The following KIAA1958 variants were observed in gnomAD, a reference collection of about 807,000 sequenced individuals.
The protein encoded by KIAA1958 is uncharacterized protein KIAA1958.
KIAA1958 carries 14 observed loss-of-function variants against 47.2 expected under a neutral mutation model. That is an observed-to-expected ratio of 0.30 (90% CI 0.20 to 0.46). KIAA1958 has a LOEUF of 0.46. Among genes scored for constraint, KIAA1958 ranks in the 20% least tolerant of loss-of-function variants. The pLI, the probability that KIAA1958 is intolerant of heterozygous loss-of-function variation, is 1.00. For synonymous variants in KIAA1958, 354 were observed against 353.3 expected, an observed-to-expected ratio of 1.00 and a Z score of -0.02; for missense variants, 803 against 909.2, an observed-to-expected ratio of 0.88 and a Z score of 1.50.
chr9:112,585,881 A>T (rs1835815167), intron 2 of KIAA1958, among the ~76,000 whole-genome samples: 1 of 152,200 alleles, frequency 6.6e-6, no homozygotes, highest in African/African-American at 2.4e-5. Flanking sequence ...ATGTAGGATA[A>T]AGCAGTTTGA....
intron 2 of KIAA1958, among the ~76,000 whole-genome samples, chr9:112,644,142 C>T (rs1429019877): frequency 6.6e-6 from 1 of 152,008 alleles, no homozygotes; most frequent in Non-Finnish European, 1.5e-5. Flanking sequence ...TGCACCACTG[C>T]ACTCCAGTCT....
chr9:112,579,989 C>G (rs1009053270), intron 2 of KIAA1958, among the ~76,000 whole-genome samples: 11 of 152,302 alleles, frequency 7.2e-5, no homozygotes, highest in East Asian at 1.9e-4. Context: ...TTAGATTCAC[C>G]TGTTATACTT....
intron 1 of KIAA1958, among the ~76,000 whole-genome samples, chr9:112,488,307 G>GA (rs1248821341): frequency 1.3e-5 from 2 of 152,072 alleles, no homozygotes; most frequent in African/African-American, 4.8e-5. Context: ...ACAGTGTTTT[G>GA]AAAAATACTG....
intron 2 of KIAA1958, among the ~76,000 whole-genome samples, chr9:112,595,287 A>G (rs1016853127): frequency 3.4e-4 from 51 of 152,232 alleles, no homozygotes; most frequent in East Asian, 5.8e-4. Context: ...ATAAGGCTCA[A>G]TGCTCTCCAA....
intron 2 of KIAA1958, among the ~76,000 whole-genome samples, chr9:112,622,342 C>A (rs1836523751): frequency 6.6e-6 from 1 of 152,186 alleles, no homozygotes; most frequent in Non-Finnish European, 1.5e-5. Flanking sequence ...TCCAGTGTTC[C>A]TCACATGACT....
rs528477164 is a variant in KIAA1958, at chr9:112,573,343, T to G, written c.-24-714T>G. ...GCAGACAGCCAGGAGACAGGAAGCC[T>G]GGTCCTAAGAGTGGTTAGAGCAGGG... On this transcript the variant is annotated intron_variant, in intron 1 of 3. Coordinates refer to ENST00000337530, the MANE Select transcript of KIAA1958 (RefSeq NM_133465.4). Among the ~76,000 whole-genome samples, 29 of 152,328 alleles carry G rather than the reference T, an allele frequency of 1.9e-4. No individual in the cohort carries two copies. The East Asian group carries it at 5.6e-3, about 29-fold the overall frequency.
At chr9:112,579,871 G>T (rs747626145) in intron 2 of KIAA1958, among the ~76,000 whole-genome samples, 3 of 152,182 alleles carry the variant, frequency 2.0e-5, no homozygotes, top group Non-Finnish European at 4.4e-5. Context: ...TTAAAGGAGA[G>T]AATTGACTGC....
chr9:112,622,889 G>T (rs926113494), intron 2 of KIAA1958, among the ~76,000 whole-genome samples: 1 of 152,104 alleles, frequency 6.6e-6, no homozygotes, highest in Admixed American at 6.6e-5. Flanking sequence ...ACCTGGAGGG[G>T]TATAAAGACA....
intron 2 of KIAA1958, among the ~76,000 whole-genome samples, chr9:112,598,052 A>G (rs1489131766): frequency 2.0e-5 from 3 of 152,198 alleles, no homozygotes; most frequent in Non-Finnish European, 4.4e-5. Context: ...ATAAATTGTT[A>G]GACATGCTGT....
chr9:112,553,894 T>C (rs1835197982), intron 1 of KIAA1958, among the ~76,000 whole-genome samples: 8 of 152,208 alleles, frequency 5.3e-5, no homozygotes, highest in Admixed American at 5.2e-4. Context: ...TCAAGAAATA[T>C]TTATTGAATG....
intron 2 of KIAA1958, among the ~76,000 whole-genome samples, chr9:112,575,553 T>A (rs775455945): frequency 1.1e-3 from 170 of 152,076 alleles, no homozygotes; most frequent in Non-Finnish European, 1.9e-3. Context: ...AGTAAAGTTA[T>A]TTTTGAAAGT....
chr9:112,576,615 T>C (rs1835650879), intron 2 of KIAA1958, among the ~76,000 whole-genome samples: 1 of 152,240 alleles, frequency 6.6e-6, no homozygotes, highest in Non-Finnish European at 1.5e-5. Flanking sequence ...TGTGGTCTTT[T>C]GTGACCACCC....
chr9:112,543,943 G>A (rs1008891195), intron 1 of KIAA1958, among the ~76,000 whole-genome samples: 1 of 152,040 alleles, frequency 6.6e-6, no homozygotes, highest in African/African-American at 2.4e-5. Context: ...TGTTTTTAAT[G>A]AATACATATA....
At chr9:112,489,379 G>A (rs1249490701) in intron 1 of KIAA1958, among the ~76,000 whole-genome samples, 4 of 152,136 alleles carry the variant, frequency 2.6e-5, no homozygotes, top group Non-Finnish European at 5.9e-5. Context: ...AATTGTTTTG[G>A]CAAAGTTGTA....
At chr9:112,544,996 G>A (rs572453502) in intron 1 of KIAA1958, among the ~76,000 whole-genome samples, 4 of 151,722 alleles carry the variant, frequency 2.6e-5, no homozygotes, top group Non-Finnish European at 5.9e-5. Flanking sequence ...GTGCCCCAGC[G>A]ATCAAAAACT....
rs1329308670 is a variant in KIAA1958 at position 112,618,334 on chromosome 9, A to C, written c.1172-27316A>C. On this transcript the variant is annotated intron_variant, in intron 2 of 3. Transcript: ENST00000337530. The surrounding 1 kb of genome is among the most constrained non-coding windows in gnomAD (Gnocchi z 7.1). ...ATAACCCCGAGGGTTTGCTCAACCT[A>C]GTCTGGCTCAACAACACAAAAGCTT... 2 of 1,551,158 alleles carry C rather than the reference A, an allele frequency of 1.3e-6. No individual in the cohort carries two copies. Among genetic ancestry groups the C allele is most frequent in the Non-Finnish European group, 1.7e-6 (2 of 1,147,142 alleles).
intron 1 of KIAA1958, among the ~76,000 whole-genome samples, chr9:112,515,276 CT>C (rs1401230914): frequency 4.5e-5 from 5 of 111,660 alleles, no homozygotes; most frequent in Admixed American, 2.4e-4. Context: ...GTCAGCCCCC[CT>C]GCCCGGCCAG....
intron 1 of KIAA1958, among the ~76,000 whole-genome samples, chr9:112,516,604 A>G (rs1834439374): frequency 6.6e-6 from 1 of 152,238 alleles, no homozygotes; most frequent in Non-Finnish European, 1.5e-5. Context: ...TGACAAACTG[A>G]TTATAAAGCT....
Position 112,651,197 on chromosome 9 carries a change from A to G in KIAA1958, c.1344+5375A>G, listed in dbSNP as rs1837049753. Among the ~76,000 whole-genome samples the G allele has an allele frequency of 3.3e-5, 5 of 152,154 alleles. No individual in the cohort carries two copies. The South Asian group carries it at 1.0e-3, about 32-fold the overall frequency. The stretch of plus-strand genomic sequence containing the variant: ...TAATTGACCTGTATGTAGCACTCCA[A>G]CCAAGTGCAGAATACAAATTCTTTC... On this transcript the variant is annotated intron_variant, in intron 3 of 3. Transcript: ENST00000337530.
Sources: allele counts gnomAD v4.1 joint callset (sites outside exome capture counted in the v4.1 genomes callset), GRCh38; gene constraint gnomAD v4.1.1; non-coding constraint Gnocchi (gnomAD v3.1); transcripts MANE v1.5; gene names NCBI Gene and HGNC (gene_info 2026-07-23, HGNC 2026-07-21).